RARS2: variants seen among roughly 807,000 people sequenced by gnomAD.
RARS2 encodes the protein arginyl-tRNA synthetase 2, mitochondrial.
Under a neutral mutation model 88.5 loss-of-function variants are expected in RARS2, and 67 were observed. The ratio of observed to expected loss-of-function variants is 0.76; its 90% confidence interval spans 0.62 to 0.93. RARS2 has a LOEUF of 0.93. RARS2 is among the 40% of genes least tolerant of loss of function. The pLI is 0.00. For missense variants in RARS2, 664 were observed against 684.2 expected, an observed-to-expected ratio of 0.97 and a Z score of 0.33; for synonymous variants, 239 against 230.3, an observed-to-expected ratio of 1.04 and a Z score of -0.34.
intron 8 of RARS2, among the ~76,000 whole-genome samples, chr6:87,532,945 G>A (rs567012926): frequency 1.2e-4 from 18 of 152,306 alleles, no homozygotes; most frequent in Admixed American, 2.6e-4. Context: ...CACAGCCATT[G>A]ACAACTGCTT....
chr6:87,524,733 C>G lies in RARS2; in HGVS notation c.879-81G>C, dbSNP rs961007686. ...TTTTAATATCTAAAACATTAGCAAA[C>G]CAGAAGCTATTTTTATTACCCACGT... is the stretch of plus-strand genomic sequence containing the variant. On this transcript the variant is annotated intron_variant, in intron 10 of 19. Coordinates refer to ENST00000369536, the MANE Select transcript of RARS2 (RefSeq NM_020320.5). 2.9e-6 allele frequency: 3 copies of G among 1,043,606 alleles called. No homozygotes were observed. The South Asian group carries it at 3.8e-5, about 13-fold the overall frequency. 64.6% of individuals were successfully genotyped at this position (1,043,606 alleles called of 1,614,324 possible). A position where few individuals can be genotyped will look rare whatever the true frequency, so the allele number is the denominator to read the frequency against.
At chr6:87,585,642 G>A (rs1006485583) in intron 1 of RARS2, among the ~76,000 whole-genome samples, 1 of 152,142 alleles carries the variant, frequency 6.6e-6, no homozygotes, top group Non-Finnish European at 1.5e-5. Context: ...TGAGGTGGGA[G>A]AATGGCGTGA....
intron 6 of RARS2, among the ~76,000 whole-genome samples, chr6:87,547,461 G>A (rs527304210): frequency 6.6e-6 from 1 of 152,218 alleles, no homozygotes; most frequent in East Asian, 1.9e-4. Context: ...TTGGAAGTGA[G>A]ATTAGATTGA....
In RARS2 at chr6:87,576,122, G is replaced by T. The variant is rs1449321878; in HGVS notation, c.37-6532C>A. The stretch of plus-strand genomic sequence containing the variant: ...GCTGGATAAGTCTTCTTTAAAAATT[G>T]AGTCAAACAAAAAAATCCAAGCTGC... On this transcript the variant is annotated intron_variant, in intron 1 of 19. Transcript: ENST00000369536. Among the ~76,000 whole-genome samples the T allele has an allele frequency of 4.8e-5, 4 of 82,726 alleles. 1 individual carries two copies. The highest frequency in any genetic ancestry group is 1.8e-4 in the African/African-American group (4 of 22,366). 54.3% of individuals were successfully genotyped at this position (82,726 alleles called of 152,430 possible).
chr6:87,581,134 T>C (rs1272507792), intron 1 of RARS2, among the ~76,000 whole-genome samples: 1 of 152,208 alleles, frequency 6.6e-6, no homozygotes, highest in Admixed American at 6.5e-5. Context: ...ATTCTCAGTC[T>C]GGCTCTAGAT....
chr6:87,546,062 C>T (rs1782544260), intron 6 of RARS2, among the ~76,000 whole-genome samples: 1 of 152,068 alleles, frequency 6.6e-6, no homozygotes, highest in African/African-American at 2.4e-5. Context: ...GCCCTAAGAA[C>T]CGAAGCCTCA....
At chr6:87,525,334 A>C (rs1775313663) in intron 10 of RARS2, among the ~76,000 whole-genome samples, 2 of 152,222 alleles carry the variant, frequency 1.3e-5, no homozygotes, top group South Asian at 4.1e-4. Flanking sequence ...TAGGCAAGAA[A>C]CAAAATTAAA....
intron 2 of RARS2, among the ~76,000 whole-genome samples, chr6:87,565,069 C>T (rs1010537730): frequency 2.0e-5 from 3 of 152,078 alleles, no homozygotes; most frequent in Non-Finnish European, 1.5e-5. Context: ...AAAAATTCTT[C>T]CTCTTATACT....
chr6:87,564,516 A>AC (rs1554210526), intron 2 of RARS2: 12 of 389,440 alleles, frequency 3.1e-5, no homozygotes, highest in Non-Finnish European at 5.9e-5. Flanking sequence ...CACACACACA[A>AC]AAATTAGCCA....
intron 6 of RARS2, 84 bp from the exon 7 acceptor site, chr6:87,545,783 A>AT (rs1562153894): frequency 6.9e-7 from 1 of 1,455,048 alleles, no homozygotes; most frequent in Non-Finnish European, 9.3e-7. Context: ...ATTATCAAAC[A>AT]TAAGTAGAAA....
chr6:87,516,750 TGAAA>T, intron 18 of RARS2, 52 bp downstream of exon 18: 2 of 1,601,288 alleles, frequency 1.2e-6, no homozygotes, highest in Non-Finnish European at 1.7e-6. Flanking sequence ...AACCTTTAGA[TGAAA>T]GAAAGGTCTC....
chr6:87,569,633 AT>A (rs777184753), intron 1 of RARS2, 43 bp from the exon 2 acceptor site: 2 of 1,458,084 alleles, frequency 1.4e-6, no homozygotes, highest in South Asian at 1.1e-5. Context: ...TTGTTCACAT[AT>A]TTGTTCCATT....
intron 1 of RARS2, among the ~76,000 whole-genome samples, chr6:87,571,330 G>A (rs1281532078): frequency 6.6e-6 from 1 of 152,110 alleles, no homozygotes; most frequent in Non-Finnish European, 1.5e-5. Flanking sequence ...GTTTCCTGAG[G>A]CCTCCCCAGC....
chr6:87,542,168 T>C (rs1200956554), intron 7 of RARS2, among the ~76,000 whole-genome samples, 174 bp from the exon 8 acceptor site: 1 of 152,228 alleles, frequency 6.6e-6, no homozygotes, highest in African/African-American at 2.4e-5. Flanking sequence ...CAAGTCAAAT[T>C]CAATATATTT....
intron 5 of RARS2, among the ~76,000 whole-genome samples, chr6:87,550,801 TA>T (rs1485108566): frequency 2.1e-5 from 3 of 144,244 alleles, no homozygotes; most frequent in Non-Finnish European, 4.5e-5. Context: ...TAAAATACAT[TA>T]TTTAAGAAAA....
At chr6:87,580,021 G>A (rs865993815) in intron 1 of RARS2, among the ~76,000 whole-genome samples, 1 of 152,134 alleles carries the variant, frequency 6.6e-6, no homozygotes. Flanking sequence ...TTACAGGTGC[G>A]AGCCACCGCC....
chr6:87,578,301 A>C (rs1487065386), intron 1 of RARS2, among the ~76,000 whole-genome samples: 1 of 152,166 alleles, frequency 6.6e-6, no homozygotes, highest in Non-Finnish European at 1.5e-5. Flanking sequence ...TAAAAAGCAT[A>C]TTTATCCAGT....
At chr6:87,571,014 CA>C (rs1164071345) in intron 1 of RARS2, among the ~76,000 whole-genome samples, 1 of 152,178 alleles carries the variant, frequency 6.6e-6, no homozygotes, top group Non-Finnish European at 1.5e-5. Context: ...AGGATGTGAA[CA>C]CAGGCTATCT....
intron 10 of RARS2, among the ~76,000 whole-genome samples, chr6:87,527,757 AC>A (rs1481267593): frequency 2.0e-5 from 3 of 152,152 alleles, no homozygotes; most frequent in Non-Finnish European, 4.4e-5. Context: ...CCAAAAAAAA[AC>A]CCAACTAAAA....
Sources: allele counts gnomAD v4.1 joint callset (sites outside exome capture counted in the v4.1 genomes callset), GRCh38; gene constraint gnomAD v4.1.1; transcripts MANE v1.5; gene names NCBI Gene and HGNC (gene_info 2026-07-23, HGNC 2026-07-21).